Variants in MAML2 observed in about 807,000 individuals in gnomAD.
MAML2 encodes the protein mastermind like transcriptional coactivator 2.
Under a neutral mutation model 96.1 loss-of-function variants are expected in MAML2, and 22 were observed. That is an observed-to-expected ratio of 0.23 (90% confidence interval 0.16 to 0.33). The LOEUF (loss-of-function observed/expected upper bound fraction) is 0.33. Ranked by LOEUF, MAML2 falls within the 10% of genes least tolerant of loss-of-function variation. The probability of loss-of-function intolerance (pLI) is 1.00; values close to 1 mark genes in which losing one functional copy is unlikely to be tolerated. For synonymous variants in MAML2, 561 were observed against 521.3 expected (o/e 1.08, Z -1.04); for missense variants, 1,367 against 1,392.4 (o/e 0.98, Z 0.29).
chr11:96,194,824 A>ATGATCCCTCCGAGGTTCAATTCC (rs1861705812), intron 1 of MAML2, among the ~76,000 whole-genome samples: 1 of 152,202 alleles, frequency 6.6e-6, no homozygotes, highest in Admixed American at 6.5e-5. Flanking sequence ...GGTTCAATTC[A>ATGATCCCTCCGAGGTTCAATTCC]TGATCCCTCC....
At chr11:96,314,557 A>C (rs1863601630) in intron 1 of MAML2, among the ~76,000 whole-genome samples, 1 of 152,190 alleles carries the variant, frequency 6.6e-6, no homozygotes, top group Non-Finnish European at 1.5e-5. Flanking sequence ...TATAATAAGC[A>C]TTTTACACGG....
rs577457418 is a variant in MAML2, at chr11:96,239,696, T to A, written c.513+101687A>T. Reference sequence around the variant, plus strand: ...ACTTGGAGTTTCCATTTGGAGTCTATTGTATCATTAGGACATAGAATAATA... The same window carrying A: ...ACTTGGAGTTTCCATTTGGAGTCTAATGTATCATTAGGACATAGAATAATA... On this transcript the variant is annotated intron_variant, in intron 1 of 4. Coordinates refer to ENST00000524717, the MANE Select transcript of MAML2 (RefSeq NM_032427.4). Among the ~76,000 whole-genome samples, 117 of 152,252 alleles carry A rather than the reference T, an allele frequency of 7.7e-4. 3 individuals carry two copies. The highest frequency in any genetic ancestry group is 2.8e-4 in the Non-Finnish European group (19 of 68,030).
At chr11:96,333,714 T>C (rs564433903) in intron 1 of MAML2, among the ~76,000 whole-genome samples, 1 of 152,348 alleles carries the variant, frequency 6.6e-6, no homozygotes, top group South Asian at 2.1e-4. Flanking sequence ...AATTAGCAAC[T>C]TTAGCCAGGG....
chr11:96,277,733 C>CAA (rs55970384), intron 1 of MAML2, among the ~76,000 whole-genome samples: 10 of 73,434 alleles, frequency 1.4e-4, no homozygotes, highest in Non-Finnish European at 2.0e-4. Flanking sequence ...CACTCTGCCT[C>CAA]AAAAAAAAAA....
intron 1 of MAML2, among the ~76,000 whole-genome samples, chr11:96,184,929 C>T (rs1861550246): frequency 6.6e-6 from 1 of 152,148 alleles, no homozygotes; most frequent in Non-Finnish European, 1.5e-5. Flanking sequence ...AGGATTCGCT[C>T]TTGGGCACTA....
At chr11:96,233,389 T>C (rs1228268248) in intron 1 of MAML2, among the ~76,000 whole-genome samples, 1 of 130,824 alleles carries the variant, frequency 7.6e-6, no homozygotes, top group African/African-American at 3.0e-5. Context: ...GTGTTTTCCC[T>C]ACTCTTAAAT....
rs113838664 is a variant in MAML2, at chr11:96,015,023, G to A, written c.2140-23300C>T. ...CATCTATGTACTAGCCACCCTATTA[G>A]TATCTCCATTTTATAGATGAGAGAA... On this transcript the variant is annotated intron_variant, in intron 2 of 4. Transcript: ENST00000524717. Among the ~76,000 whole-genome samples the A allele has an allele frequency of 4.4e-3, 663 of 152,220 alleles. 6 individuals are homozygous for A. In the South Asian group the frequency reaches 0.045, roughly 10 times the overall value.
intron 1 of MAML2, among the ~76,000 whole-genome samples, chr11:96,105,184 A>G (rs971904734): frequency 6.6e-6 from 1 of 152,262 alleles, no homozygotes; most frequent in Admixed American, 6.5e-5. Context: ...ACGTGTGGTC[A>G]TTAATCCCAC....
rs912854878 is a variant in MAML2, at chr11:95,977,946, A to T, written c.*1002T>A. 4.5e-6 allele frequency: 1 copy of T among 222,924 alleles called. No homozygotes were observed. Among genetic ancestry groups the T allele is most frequent in the Non-Finnish European group, 9.0e-6 (1 of 111,590 alleles). 13.8% of individuals were successfully genotyped at this position (222,924 alleles called of 1,614,324 possible). ...GGTTCTTATCTCCAACCAAAACATG[A>T]TATTTTCTAATCTCGGTTTTCTTCT... is the stretch of plus-strand genomic sequence containing the variant. On this transcript the variant is annotated 3_prime_UTR_variant, in exon 5 of 5. Transcript: ENST00000524717.
At chr11:95,985,466 T>C (rs1477319051) in intron 4 of MAML2, 65 bp downstream of exon 4, 8 of 886,122 alleles carry the variant, frequency 9.0e-6, no homozygotes, top group South Asian at 1.6e-5. Context: ...ACAGGGATTA[T>C]TGAAAATTGA....
At chr11:96,173,863 T>C (rs1375434550) in intron 1 of MAML2, among the ~76,000 whole-genome samples, 1 of 152,240 alleles carries the variant, frequency 6.6e-6, no homozygotes, top group African/African-American at 2.4e-5. Flanking sequence ...AGGCAAAAGA[T>C]ATGTACTATT....
In MAML2 at chr11:95,979,860, G is replaced by A. The variant is rs7123272; in HGVS notation, c.2559C>T (p.His853=). ...TAGATAATGATGGCATTCTTGTCCC[G>A]TGAGAAGTAGACAGGAGGCTGGAAT... ...TPNSSLLSTS[H]GTRMPSLSTA... Residue 853 remains histidine (H), a synonymous_variant, in exon 5 of 5, where the codon CAC becomes CAT. Coordinates refer to ENST00000524717, the MANE Select transcript of MAML2 (RefSeq NM_032427.4). 0.1 allele frequency: 161,561 copies of A among 1,613,654 alleles called. 9,760 individuals are homozygous for A. The highest frequency in any genetic ancestry group is 0.26 in the Admixed American group (15,832 of 59,990).
intron 1 of MAML2, among the ~76,000 whole-genome samples, chr11:96,207,797 G>A (rs1308195011): frequency 6.6e-6 from 1 of 152,178 alleles, no homozygotes; most frequent in Non-Finnish European, 1.5e-5. Context: ...AATAAAGAAG[G>A]CACTTTCAAG....
At chr11:96,084,574 A>G (rs1297537100) in intron 2 of MAML2, among the ~76,000 whole-genome samples, 1 of 152,188 alleles carries the variant, frequency 6.6e-6, no homozygotes, top group Non-Finnish European at 1.5e-5. Context: ...CAGCGGCTAC[A>G]TGTCCCCACC....
chr11:96,170,532 A>G (rs1204228435), intron 1 of MAML2, among the ~76,000 whole-genome samples: 1 of 152,234 alleles, frequency 6.6e-6, no homozygotes, highest in Non-Finnish European at 1.5e-5. Flanking sequence ...TATTCCTTGA[A>G]CACTACATTT....
At chr11:96,217,009 G>A (rs1189784718) in intron 1 of MAML2, among the ~76,000 whole-genome samples, 3 of 152,182 alleles carry the variant, frequency 2.0e-5, no homozygotes, top group Non-Finnish European at 2.9e-5. Context: ...GAATATGACT[G>A]GAGACCAGGG....
intron 2 of MAML2, among the ~76,000 whole-genome samples, chr11:96,024,826 C>T (rs1286125308): frequency 6.6e-6 from 1 of 152,182 alleles, no homozygotes; most frequent in Admixed American, 6.5e-5. Flanking sequence ...CTTCTGCTCA[C>T]CTCTTACTCA....
At chr11:96,004,972 T>C (rs1320500465) in intron 2 of MAML2, among the ~76,000 whole-genome samples, 1 of 152,138 alleles carries the variant, frequency 6.6e-6, no homozygotes, top group East Asian at 1.9e-4. Flanking sequence ...TAGGTGCCCT[T>C]ATAAAAGGGA....
chr11:96,027,370 A>T (rs1470414280), intron 2 of MAML2, among the ~76,000 whole-genome samples: 1 of 152,236 alleles, frequency 6.6e-6, no homozygotes, highest in Non-Finnish European at 1.5e-5. Flanking sequence ...AGAGTAGTTA[A>T]GTAAGTTCTC....
Sources: gnomAD v4.1 joint callset for allele counts (sites outside exome capture counted in the v4.1 genomes callset) on GRCh38, gnomAD v4.1.1 for gene constraint, MANE v1.5 for transcripts, NCBI Gene and HGNC (gene_info 2026-07-23, HGNC 2026-07-21) for gene names.